MIB1: variants seen among roughly 807,000 people sequenced by gnomAD.
MIB1 encodes MIB E3 ubiquitin protein ligase 1.
In MIB1, 278 loss-of-function variants were observed where a neutral mutation model predicts 124.5. That is an observed-to-expected ratio of 2.23 (90% confidence interval 2.02 to 2.47). The LOEUF (loss-of-function observed/expected upper bound fraction) is 2.47. Among genes scored for constraint, MIB1 ranks in the 30% most tolerant of loss-of-function variants. The probability of loss-of-function intolerance (pLI) is 0.00; values close to 1 mark genes in which losing one functional copy is unlikely to be tolerated. For missense variants in MIB1, 957 were observed against 1,254.4 expected (o/e 0.76, Z 3.58); for synonymous variants, 446 against 429.4 (o/e 1.04, Z -0.48).
Position 21,869,022 on chromosome 18 carries a change from C to T in MIB1, c.*4356C>T, listed in dbSNP as rs1252299864. On this transcript the variant is annotated 3_prime_UTR_variant, in exon 21 of 21. Coordinates refer to ENST00000261537, the MANE Select transcript of MIB1 (RefSeq NM_020774.4). ...AGTATTACTTTTTCCAGCATTTATT[C>T]TTATTTGTGAGTAAAGAGGAAATGG... is the stretch of plus-strand genomic sequence containing the variant. 1 of 152,278 alleles carries T rather than the reference C, an allele frequency of 6.6e-6. No individual in the cohort carries two copies. The allele number at this position is 152,278 out of a possible 1,614,324, so 9.4% of individuals were successfully genotyped here. A position where few individuals can be genotyped will look rare whatever the true frequency, so the allele number is the denominator to read the frequency against.
rs767769255 is a variant in MIB1 at position 21,791,549 on chromosome 18, A to G, written c.1084A>G (p.Met362Val). 2 of 1,611,000 alleles carry G rather than the reference A, an allele frequency of 1.2e-6. No homozygotes were observed. The highest frequency in any genetic ancestry group is 1.7e-6 in the Non-Finnish European group (2 of 1,177,672). ...AGGACATGGAGAATGGGCTGAAGCG[A>G]TGCTTCCAGTAAGTATGTTTAGAAT... ...QRGHGEWAEA[M>V]LPTLGKVGRV... is the part of the protein sequence containing the mutation. The change falls in exon 7 of 21, where the codon ATG becomes GTG. Residue 362 changes from methionine to valine, a missense_variant. Transcript: ENST00000261537.
intron 15 of MIB1, among the ~76,000 whole-genome samples, chr18:21,845,093 C>T (rs773020234): frequency 2.6e-5 from 4 of 152,036 alleles, no homozygotes; most frequent in Non-Finnish European, 4.4e-5. Flanking sequence ...TCACTGCAAC[C>T]TCCGCCTCCT....
intron 12 of MIB1, among the ~76,000 whole-genome samples, chr18:21,835,039 C>T (rs1329169257): frequency 1.3e-5 from 2 of 152,178 alleles, no homozygotes; most frequent in Non-Finnish European, 2.9e-5. Flanking sequence ...CCACTCCTGG[C>T]TAGTTGACCC....
At chr18:21,708,740 T>G (rs577228059) in intron 1 of MIB1, among the ~76,000 whole-genome samples, 2 of 152,194 alleles carry the variant, frequency 1.3e-5, no homozygotes, top group Non-Finnish European at 2.9e-5. Context: ...ATTCATTCAA[T>G]CAGTGTCTTC....
chr18:21,822,077 C>G (rs1363458495), intron 12 of MIB1, among the ~76,000 whole-genome samples: 1 of 152,164 alleles, frequency 6.6e-6, no homozygotes, highest in Admixed American at 6.5e-5. Flanking sequence ...AGTGAGCACA[C>G]TGTTAAATAT....
In MIB1 at chr18:21,798,780, G is replaced by A. The variant is rs372253379; in HGVS notation, c.1237+552G>A. On this transcript the variant is annotated intron_variant, in intron 8 of 20. Coordinates refer to ENST00000261537, the MANE Select transcript of MIB1 (RefSeq NM_020774.4). ...CTCTTTCACATAGTCTTTCTTTCCTGTGCTCCAGCTTTGTATACACAGACT... is the reference window on the plus strand; with the variant it reads ...CTCTTTCACATAGTCTTTCTTTCCTATGCTCCAGCTTTGTATACACAGACT... Among the ~76,000 whole-genome samples, 7 of 152,056 alleles carry A rather than the reference G, an allele frequency of 4.6e-5. No individual in the cohort carries two copies. In the East Asian group the frequency reaches 7.7e-4, roughly 17 times the overall value.
chr18:21,857,180 CG>C lies in MIB1; in HGVS notation c.2717del (p.Arg906GlnfsTer62). ...TGTGCAGTGTCGAGCAGTAGTTGAA[CG>C]AAGAGTGCCTTTCATTATGTGCTGT... ...KCVQCRAVVE[R>X]RVPFIMCCGG... On this transcript the variant is annotated frameshift_variant, in exon 19 of 21. Transcript: ENST00000261537. LOFTEE classifies it high-confidence loss of function. 3 of 1,614,120 alleles carry C rather than the reference CG, an allele frequency of 1.9e-6. No homozygotes were observed. The highest frequency in any genetic ancestry group is 2.5e-6 in the Non-Finnish European group (3 of 1,179,982).
chr18:21,719,883 A>T (rs996424940), intron 1 of MIB1, among the ~76,000 whole-genome samples: 1 of 152,146 alleles, frequency 6.6e-6, no homozygotes, highest in Admixed American at 6.6e-5. Context: ...GTTGTCATTG[A>T]TAAAAGTTTC....
chr18:21,808,131 A>G (rs1012497534), intron 10 of MIB1, among the ~76,000 whole-genome samples: 29 of 152,236 alleles, frequency 1.9e-4, no homozygotes, highest in African/African-American at 7.0e-4. Flanking sequence ...GTAATAATTG[A>G]TTTTTTAAAA....
intron 1 of MIB1, among the ~76,000 whole-genome samples, chr18:21,760,266 A>C (rs1310359678): frequency 6.6e-6 from 1 of 152,238 alleles, no homozygotes; most frequent in East Asian, 1.9e-4. Flanking sequence ...GGATGTAGTG[A>C]GGGAAACAAA....
rs138984887 is a variant in MIB1, at chr18:21,775,543, A to G, written c.636+1815A>G. ...TAGCATGAGCTACTACAGCTGACCA[A>G]TTCATGCCACTTATATATTAAAAGC... On this transcript the variant is annotated intron_variant, in intron 4 of 20. Transcript: ENST00000261537. Among the ~76,000 whole-genome samples, 408 of 152,298 alleles carry G rather than the reference A, an allele frequency of 2.7e-3. 2 individuals carry two copies. The highest frequency in any genetic ancestry group is 8.8e-3 in the African/African-American group (364 of 41,566).
intron 15 of MIB1, among the ~76,000 whole-genome samples, chr18:21,845,148 C>T (rs200053864): frequency 6.6e-6 from 1 of 151,566 alleles, no homozygotes; most frequent in Non-Finnish European, 1.5e-5. Flanking sequence ...GTAGCTGGGA[C>T]TACAGGTGCA....
At chr18:21,860,220 C>A (rs2042265495) in intron 20 of MIB1, among the ~76,000 whole-genome samples, 2 of 144,442 alleles carry the variant, frequency 1.4e-5, no homozygotes, top group South Asian at 4.5e-4. Context: ...CATGCCTCAG[C>A]TTCCCAAGTA....
At position 21,844,129 on chromosome 18, in the gene MIB1, A is replaced by T. The variant is rs2042115101; in HGVS notation, c.2087A>T (p.Asp696Val). Residue 696 changes from aspartate to valine, a missense_variant, in exon 15 of 21, where the codon GAT (aspartate) becomes GTT (valine). Coordinates refer to ENST00000261537, the MANE Select transcript of MIB1 (RefSeq NM_020774.4). ...GCAGGTGCCAAGCTTGATATTCAGG[A>T]TAAGGATGGGGATACTCCTTTGCAT... ...VRAGAKLDIQDKDGDTPLHEA... is the reference protein window; with the variant it reads ...VRAGAKLDIQVKDGDTPLHEA... 1 of 1,613,910 alleles carries T rather than the reference A, an allele frequency of 6.2e-7. No homozygotes were observed. Among genetic ancestry groups the T allele is most frequent in the Non-Finnish European group, 8.5e-7 (1 of 1,180,014 alleles).
intron 15 of MIB1, among the ~76,000 whole-genome samples, chr18:21,846,597 C>A: frequency 6.6e-6 from 1 of 152,128 alleles, no homozygotes; most frequent in Non-Finnish European, 1.5e-5. Context: ...AGTACTGTTT[C>A]TTTAGTATCT....
intron 1 of MIB1, among the ~76,000 whole-genome samples, chr18:21,712,719 C>G (rs1167391818): frequency 6.6e-6 from 1 of 152,166 alleles, no homozygotes; most frequent in Admixed American, 6.5e-5. Flanking sequence ...TAACTTCAGC[C>G]TTGTGAGCCC....
chr18:21,835,793 A>G (rs2146496725), intron 12 of MIB1, among the ~76,000 whole-genome samples: 1 of 113,480 alleles, frequency 8.8e-6, no homozygotes, highest in African/African-American at 3.4e-5. Context: ...AAATATATAT[A>G]TATATATCCA....
chr18:21,724,396 C>T (rs1866061095), intron 1 of MIB1, among the ~76,000 whole-genome samples: 1 of 151,772 alleles, frequency 6.6e-6, no homozygotes, highest in South Asian at 2.1e-4. Flanking sequence ...TTTTAGGTTA[C>T]ATTCAATTAA....
intron 1 of MIB1, among the ~76,000 whole-genome samples, chr18:21,745,689 C>T (rs995773424): frequency 1.9e-4 from 29 of 151,820 alleles, no homozygotes; most frequent in Non-Finnish European, 3.4e-4. Flanking sequence ...CACACACACA[C>T]ACACACACAC....
Sources: allele counts gnomAD v4.1 joint callset (sites outside exome capture counted in the v4.1 genomes callset), GRCh38; gene constraint gnomAD v4.1.1; transcripts MANE v1.5; gene names NCBI Gene and HGNC (gene_info 2026-07-23, HGNC 2026-07-21).